The following TDRD3 variants were observed in gnomAD, a reference collection of about 807,000 sequenced individuals.
TDRD3 encodes tudor domain containing 3.
TDRD3 carries 45 observed loss-of-function variants against 86.7 expected under a neutral mutation model. The ratio of observed to expected loss-of-function variants is 0.52; its 90% confidence interval spans 0.41 to 0.67. The LOEUF is 0.67. Among genes scored for constraint, TDRD3 ranks in the 30% least tolerant of loss-of-function variants. The probability of loss-of-function intolerance (pLI) is 0.00; values close to 1 mark genes in which losing one functional copy is unlikely to be tolerated. For missense variants in TDRD3, 814 were observed against 889.0 expected, an observed-to-expected ratio of 0.92 and a Z score of 1.07; for synonymous variants, 298 against 301.7, an observed-to-expected ratio of 0.99 and a Z score of 0.13.
rs140171845 is a variant in TDRD3 at position 60,517,103 on chromosome 13, A to G, written c.1141+6348A>G. On this transcript the variant is annotated intron_variant, in intron 10 of 13. Transcript: ENST00000377881. ...TTTAGATATTAGCAGATATAAAGAT[A>G]CATTAATGGTTGATGGGCACTTCAC... is the stretch of plus-strand genomic sequence containing the variant. Among the ~76,000 whole-genome samples, 910 of 152,296 alleles carry G rather than the reference A, an allele frequency of 6.0e-3. 6 individuals carry two copies. The highest frequency in any genetic ancestry group is 0.018 in the African/African-American group (760 of 41,560).
At chr13:60,519,739 G>A (rs917574536) in intron 10 of TDRD3, among the ~76,000 whole-genome samples, 13 of 152,182 alleles carry the variant, frequency 8.5e-5, no homozygotes, top group African/African-American at 2.9e-4. Flanking sequence ...TGTGCTAGTT[G>A]TGTGACCTTG....
intron 3 of TDRD3, among the ~76,000 whole-genome samples, chr13:60,450,439 C>T (rs184782538): frequency 6.6e-6 from 1 of 152,232 alleles, no homozygotes; most frequent in Admixed American, 6.5e-5. Context: ...TCTAATTTGC[C>T]TCTTACTGAC....
intron 8 of TDRD3, among the ~76,000 whole-genome samples, chr13:60,505,547 C>G (rs1956918735): frequency 6.6e-6 from 1 of 152,178 alleles, no homozygotes; most frequent in Admixed American, 6.5e-5. Context: ...CCTGCCGGCT[C>G]TGAAGCAAGC....
chr13:60,460,430 A>G lies in TDRD3; in HGVS notation c.243A>G (p.Ala81=). 1 of 1,604,938 alleles carries G rather than the reference A, an allele frequency of 6.2e-7. No individual in the cohort carries two copies. Among genetic ancestry groups the G allele is most frequent in the Non-Finnish European group, 8.5e-7 (1 of 1,177,718 alleles). ...TTCAAAAAATTCGCAATGTTGCTGC[A>G]CCAAAGGATAATGAAGAATCTCAGG... ...LQIQKIRNVA[A]PKDNEESQAA... The change falls in exon 4 of 14, where the codon GCA becomes GCG. Residue 81 remains alanine, a synonymous_variant. Coordinates refer to ENST00000377881, the MANE Select transcript of TDRD3 (RefSeq NM_001146070.2).
At chr13:60,511,734 T>G (rs764092710) in intron 10 of TDRD3, among the ~76,000 whole-genome samples, 2 of 152,174 alleles carry the variant, frequency 1.3e-5, no homozygotes, top group Non-Finnish European at 2.9e-5. Context: ...AGAATTCATT[T>G]TCTTGTGGAA....
At chr13:60,532,962 A>G (rs1377758172) in intron 11 of TDRD3, among the ~76,000 whole-genome samples, 1 of 152,158 alleles carries the variant, frequency 6.6e-6, no homozygotes. Context: ...TGAAAATATC[A>G]TAAGTCAAAA....
chr13:60,525,761 G>A (rs1389587021), intron 10 of TDRD3, among the ~76,000 whole-genome samples: 2 of 152,148 alleles, frequency 1.3e-5, no homozygotes, highest in Non-Finnish European at 2.9e-5. Context: ...TACTTTTGAT[G>A]TAAGAAGGCT....
intron 12 of TDRD3, among the ~76,000 whole-genome samples, chr13:60,567,294 G>A (rs141452375): frequency 0.048 from 7,249 of 152,164 alleles, 231 homozygotes; most frequent in South Asian, 0.071. Context: ...CACTATAAAT[G>A]ATGTTTTTCT....
rs541257367 is a variant in TDRD3, at chr13:60,546,635, G to T, written c.2118+11402G>T. Among the ~76,000 whole-genome samples the T allele has an allele frequency of 1.6e-4, 25 of 152,162 alleles. No homozygotes were observed. In the South Asian group the frequency reaches 4.8e-3, roughly 29 times the overall value. ...TACTTACATTAATGAAATAGTCATTGAGAGAACATGATTAAGATAGGAAAA... is the reference window on the plus strand; with the variant it reads ...TACTTACATTAATGAAATAGTCATTTAGAGAACATGATTAAGATAGGAAAA... On this transcript the variant is annotated intron_variant, in intron 12 of 13. Coordinates refer to ENST00000377881, the MANE Select transcript of TDRD3 (RefSeq NM_001146070.2).
intron 12 of TDRD3, among the ~76,000 whole-genome samples, chr13:60,565,351 G>A (rs896868069): frequency 2.0e-5 from 3 of 152,014 alleles, no homozygotes; most frequent in Non-Finnish European, 4.4e-5. Context: ...CACCGCGCCC[G>A]GCCGTCAGTA....
Position 60,549,371 on chromosome 13 carries a change from T to C in TDRD3, c.2118+14138T>C, listed in dbSNP as rs371976962. Among the ~76,000 whole-genome samples the C allele has an allele frequency of 7.9e-5, 12 of 152,256 alleles. No individual in the cohort carries two copies. The East Asian group carries it at 1.9e-3, about 24-fold the overall frequency. On this transcript the variant is annotated intron_variant, in intron 12 of 13. Coordinates refer to ENST00000377881, the MANE Select transcript of TDRD3 (RefSeq NM_001146070.2). ...CATTTGAAAATCTGTGTCATCATAG[T>C]GACTATATTATTGCCCTAGGATGTC...
chr13:60,534,733 C>T (rs564389515), intron 11 of TDRD3, among the ~76,000 whole-genome samples: 3 of 151,850 alleles, frequency 2.0e-5, no homozygotes, highest in Non-Finnish European at 4.4e-5. Context: ...TGAGACCAGC[C>T]TGGGCGACAT....
intron 6 of TDRD3, among the ~76,000 whole-genome samples, chr13:60,484,070 C>T (rs1594999784): frequency 6.6e-6 from 1 of 151,686 alleles, no homozygotes; most frequent in African/African-American, 2.4e-5. Flanking sequence ...CAATTAAGAG[C>T]CATATCTGAA....
rs376314249 is a variant in TDRD3, at chr13:60,488,880, C to T, written c.717+2932C>T. Among the ~76,000 whole-genome samples the T allele has an allele frequency of 1.1e-4, 17 of 151,910 alleles. No homozygotes were observed. In the South Asian group the frequency reaches 1.3e-3, roughly 11 times the overall value. On this transcript the variant is annotated intron_variant, in intron 7 of 13. Transcript: ENST00000377881. ...ACAGGCGTGAGCTACCATGCCTGGC[C>T]GGGTTTATTTTTTGTTTTGTTTAGT... is the stretch of plus-strand genomic sequence containing the variant.
chr13:60,550,366 A>C (rs977181101), intron 12 of TDRD3, among the ~76,000 whole-genome samples: 2 of 152,130 alleles, frequency 1.3e-5, no homozygotes, highest in African/African-American at 4.8e-5. Context: ...AATGTGAAGA[A>C]TTTGGTGTGA....
intron 1 of TDRD3, among the ~76,000 whole-genome samples, chr13:60,436,276 C>G (rs76900364): frequency 0.11 from 17,124 of 151,818 alleles, 1,299 homozygotes; most frequent in African/African-American, 0.21. Flanking sequence ...GTTCTACTTA[C>G]TTTTTATTTT....
chr13:60,533,939 C>T (rs1957641398), intron 11 of TDRD3, among the ~76,000 whole-genome samples: 1 of 152,082 alleles, frequency 6.6e-6, no homozygotes, highest in South Asian at 2.1e-4. Context: ...AATTTGGGTC[C>T]TGGATGGGAT....
intron 3 of TDRD3, among the ~76,000 whole-genome samples, chr13:60,455,606 C>T (rs971664674): frequency 6.6e-6 from 1 of 152,126 alleles, no homozygotes; most frequent in African/African-American, 2.4e-5. Context: ...TTCATTTTCT[C>T]TTAATTTTAA....
chr13:60,521,852 G>A (rs574936712), intron 10 of TDRD3, among the ~76,000 whole-genome samples: 4 of 151,866 alleles, frequency 2.6e-5, no homozygotes, highest in Non-Finnish European at 5.9e-5. Flanking sequence ...AGCCGAGATC[G>A]CACCATTGCA....
Sources: allele counts gnomAD v4.1 joint callset (sites outside exome capture counted in the v4.1 genomes callset), GRCh38; gene constraint gnomAD v4.1.1; transcripts MANE v1.5; gene names NCBI Gene and HGNC (gene_info 2026-07-23, HGNC 2026-07-21).